SPATA16: variants seen among roughly 807,000 people sequenced by gnomAD.
The protein encoded by SPATA16 is spermatogenesis-associated protein 16.
Under a neutral mutation model 63.3 loss-of-function variants are expected in SPATA16, and 36 were observed. The observed-to-expected ratio is 0.57, with a 90% CI of 0.44 to 0.75. SPATA16 has a LOEUF of 0.75. Ranked by LOEUF, SPATA16 falls within the 30% of genes least tolerant of loss-of-function variation. The pLI, the probability that SPATA16 is intolerant of heterozygous loss-of-function variation, is 0.00. For missense variants in SPATA16, 646 were observed against 679.3 expected (o/e 0.95, Z 0.54); for synonymous variants, 203 against 216.7 (o/e 0.94, Z 0.56).
intron 6 of SPATA16, among the ~76,000 whole-genome samples, chr3:172,947,321 A>G (rs1238793456): frequency 6.6e-6 from 1 of 152,216 alleles, no homozygotes; most frequent in Admixed American, 6.5e-5. Context: ...ATGCCCAGAC[A>G]TTGATAAACA....
chr3:173,047,325 T>G (rs74996991), intron 3 of SPATA16, among the ~76,000 whole-genome samples: 5,469 of 152,016 alleles, frequency 0.036, 343 homozygotes, highest in African/African-American at 0.12. Context: ...TAAATACGAT[T>G]CAAAAATTCA....
chr3:173,081,062 G>C (rs1204815357), intron 2 of SPATA16, among the ~76,000 whole-genome samples: 1 of 152,088 alleles, frequency 6.6e-6, no homozygotes, highest in East Asian at 1.9e-4. Flanking sequence ...CTCTCCCTGG[G>C]CATTGTTTAA....
At chr3:172,891,423 A>G (rs1377364280) in intron 10 of SPATA16, among the ~76,000 whole-genome samples, 2 of 152,242 alleles carry the variant, frequency 1.3e-5, no homozygotes, top group East Asian at 3.8e-4. Context: ...TTAACTGGGC[A>G]GGTCCAGAGC....
chr3:173,114,565 T>C (rs1737843111), intron 2 of SPATA16, among the ~76,000 whole-genome samples: 1 of 152,216 alleles, frequency 6.6e-6, no homozygotes, highest in African/African-American at 2.4e-5. Context: ...CTGACCATCA[T>C]ACCATATCAG....
At chr3:172,998,079 C>T (rs187320871) in intron 4 of SPATA16, among the ~76,000 whole-genome samples, 1 of 152,168 alleles carries the variant, frequency 6.6e-6, no homozygotes, top group Admixed American at 6.5e-5. Flanking sequence ...AATGAAATAA[C>T]ACTGAAATTT....
At chr3:173,018,528 G>A (rs915833527) in intron 4 of SPATA16, among the ~76,000 whole-genome samples, 2 of 151,934 alleles carry the variant, frequency 1.3e-5, no homozygotes. Context: ...CACCTGCCTC[G>A]GCCTCCCAAA....
At chr3:173,102,448 G>T (rs1303317501) in intron 2 of SPATA16, among the ~76,000 whole-genome samples, 1 of 152,154 alleles carries the variant, frequency 6.6e-6, no homozygotes, top group African/African-American at 2.4e-5. Context: ...GAGGCCTCAG[G>T]GTGCTCTTAC....
intron 2 of SPATA16, among the ~76,000 whole-genome samples, chr3:173,089,942 T>C (rs1331272417): frequency 1.3e-5 from 2 of 152,192 alleles, no homozygotes; most frequent in Non-Finnish European, 2.9e-5. Context: ...ACTTCTTGTT[T>C]TTCAACTGGA....
intron 3 of SPATA16, among the ~76,000 whole-genome samples, chr3:173,020,783 C>CT (rs1735311912): frequency 6.6e-6 from 1 of 152,172 alleles, no homozygotes; most frequent in Admixed American, 6.5e-5. Context: ...GTAGCTTCTA[C>CT]TGTATTTATC....
rs1734705651 is a variant in SPATA16 at position 172,996,929 on chromosome 3, T to C, written c.849-19877A>G. On this transcript the variant is annotated intron_variant, in intron 4 of 10. Transcript: ENST00000351008. ...GACTGGCTTTTCTCACTTAGTAATA[T>C]GCAGATGAGTTAAAAATTTTTTCAT... Among the ~76,000 whole-genome samples the C allele has an allele frequency of 2.6e-5, 4 of 152,172 alleles. No homozygotes were observed. In the South Asian group the frequency reaches 8.3e-4, roughly 31 times the overall value.
At chr3:173,117,932 A>C (rs1737952741) in intron 1 of SPATA16, among the ~76,000 whole-genome samples, 183 bp from the exon 2 acceptor site, 1 of 152,214 alleles carries the variant, frequency 6.6e-6, no homozygotes. Flanking sequence ...GTCAGTCTCA[A>C]AACTCACCAA....
chr3:172,903,805 G>A (rs1169116341), intron 10 of SPATA16, among the ~76,000 whole-genome samples: 3 of 152,200 alleles, frequency 2.0e-5, no homozygotes, highest in African/African-American at 7.2e-5. Flanking sequence ...GGGTCAGGCA[G>A]CTACCACGAA....
intron 2 of SPATA16, among the ~76,000 whole-genome samples, chr3:173,087,489 G>A (rs963341994): frequency 2.6e-5 from 4 of 152,074 alleles, no homozygotes; most frequent in African/African-American, 9.7e-5. Flanking sequence ...TTGCTATTCT[G>A]TGTCTTTTAA....
chr3:172,971,969 G>A (rs1288700502), intron 5 of SPATA16, among the ~76,000 whole-genome samples: 1 of 152,092 alleles, frequency 6.6e-6, no homozygotes, highest in Non-Finnish European at 1.5e-5. Context: ...AGGCGTTAGG[G>A]GCCCACAAAC....
intron 2 of SPATA16, among the ~76,000 whole-genome samples, chr3:173,078,831 G>T (rs1464613665): frequency 1.3e-5 from 2 of 152,118 alleles, no homozygotes; most frequent in Non-Finnish European, 2.9e-5. Flanking sequence ...AACATCCAGT[G>T]AGCAGACGCA....
rs1270573474 is a variant in SPATA16, at chr3:173,117,541, T to A, written c.191A>T (p.Lys64Ile). The A allele has an allele frequency of 8.2e-5, 132 of 1,614,020 alleles. No homozygotes were observed. The highest frequency in any genetic ancestry group is 1.1e-4 in the Non-Finnish European group (128 of 1,180,022). The change falls in exon 2 of 11, where the codon AAA (lysine) becomes ATA (isoleucine). Residue 64 changes from lysine (K) to isoleucine (I), a missense_variant. By Grantham distance (102) the Lys-to-Ile change is moderately radical. Coordinates refer to ENST00000351008, the MANE Select transcript of SPATA16 (RefSeq NM_031955.6). ...TTTTTCTTTGATGCCCTTTGTCATT[T>A]TTGTTCTTTCAAGTGTGATTTCTAC... is the stretch of plus-strand genomic sequence containing the variant. ...KQVEITLERT[K>I]MTKGIKEKQS...
chr3:172,913,840 C>T (rs1732423783), intron 9 of SPATA16, 96 bp from the exon 10 acceptor site: 14 of 1,071,552 alleles, frequency 1.3e-5, no homozygotes, highest in Admixed American at 6.0e-5. Flanking sequence ...ATCATTTGTA[C>T]GCTGATGATT....
At chr3:173,016,563 A>T (rs543884027) in intron 4 of SPATA16, among the ~76,000 whole-genome samples, 2 of 152,094 alleles carry the variant, frequency 1.3e-5, no homozygotes. Context: ...CATTTTTTTC[A>T]TATGTGGTAG....
In SPATA16 at chr3:173,012,027, G is replaced by A. The variant is rs184924128; in HGVS notation, c.848+7459C>T. Among the ~76,000 whole-genome samples the A allele has an allele frequency of 2.0e-5, 3 of 152,222 alleles. No individual in the cohort carries two copies. The East Asian group carries it at 5.8e-4, about 29-fold the overall frequency. Reference sequence around the variant, plus strand: ...TTCTTCAGAAACAGAGTCTTGCTGTGTTGCCCAGGCTAGTCTCAAACTCCT... The same window carrying A: ...TTCTTCAGAAACAGAGTCTTGCTGTATTGCCCAGGCTAGTCTCAAACTCCT... On this transcript the variant is annotated intron_variant, in intron 4 of 10. Transcript: ENST00000351008.
Sources: allele counts gnomAD v4.1 joint callset (sites outside exome capture counted in the v4.1 genomes callset), GRCh38; gene constraint gnomAD v4.1.1; transcripts MANE v1.5; gene names NCBI Gene and HGNC (gene_info 2026-07-23, HGNC 2026-07-21).